The following GRHL1 variants were observed in gnomAD, a reference collection of about 807,000 sequenced individuals.
GRHL1 encodes grainyhead like transcription factor 1, also known as grainyhead-like protein 1 homolog.
A neutral mutation model predicts 75.7 loss-of-function variants in GRHL1; 38 were observed. The observed-to-expected ratio is 0.50, with a 90% CI of 0.39 to 0.66. The LOEUF is 0.66. Ranked by LOEUF, GRHL1 falls within the 30% of genes least tolerant of loss-of-function variation. GRHL1 has a pLI of 0.00. For synonymous variants in GRHL1, 266 were observed against 279.4 expected, an observed-to-expected ratio of 0.95 and a Z score of 0.48; for missense variants, 589 against 767.5, an observed-to-expected ratio of 0.77 and a Z score of 2.75.
chr2:9,978,297 G>A (rs1357116675), intron 8 of GRHL1, among the ~76,000 whole-genome samples: 1 of 152,234 alleles, frequency 6.6e-6, no homozygotes, highest in African/African-American at 2.4e-5. Context: ...AGCTGAGAGT[G>A]TGAGGGATTC....
chr2:9,973,691 G>T (rs1407011241), intron 8 of GRHL1, among the ~76,000 whole-genome samples: 1 of 152,166 alleles, frequency 6.6e-6, no homozygotes, highest in African/African-American at 2.4e-5. Flanking sequence ...CTTTTTGACT[G>T]ATTTAGAGAA....
rs1667576739 is a variant in GRHL1 at position 9,968,411 on chromosome 2, T to C, written c.1110+3030T>C. ...GGATTTGTCTGCTGTGTAGACGTAT[T>C]TCATTCCTTTTATTGTCCTTCCACA... On this transcript the variant is annotated intron_variant, in intron 8 of 15. Transcript: ENST00000324907. The surrounding 1 kb of genome is among the most constrained non-coding windows in gnomAD (Gnocchi z 4.7). Among the ~76,000 whole-genome samples, 1 of 152,242 alleles carries C rather than the reference T, an allele frequency of 6.6e-6. No homozygotes were observed. The highest frequency in any genetic ancestry group is 6.5e-5 in the Admixed American group (1 of 15,290).
intron 8 of GRHL1, among the ~76,000 whole-genome samples, chr2:9,981,550 A>G (rs1424707806): frequency 1.3e-5 from 2 of 152,248 alleles, no homozygotes; most frequent in African/African-American, 4.8e-5. Flanking sequence ...TCGAAACACG[A>G]CCACACTCAT....
At chr2:9,997,036 G>A (rs1385182932) in intron 14 of GRHL1, among the ~76,000 whole-genome samples, 1 of 152,188 alleles carries the variant, frequency 6.6e-6, no homozygotes, top group Non-Finnish European at 1.5e-5. Flanking sequence ...ATATTTACCA[G>A]CCTGTCTCCT....
At chr2:9,999,864 G>A (rs1669195265) in intron 15 of GRHL1, among the ~76,000 whole-genome samples, 2 of 152,092 alleles carry the variant, frequency 1.3e-5, no homozygotes, top group South Asian at 4.1e-4. Flanking sequence ...TCTTGTTTTT[G>A]TATTCTTTAT....
intron 3 of GRHL1, chr2:9,960,174 C>T (rs904222491): frequency 1.3e-5 from 2 of 152,232 alleles, no homozygotes; most frequent in African/African-American, 2.4e-5. Context: ...CACAGTGGCT[C>T]ATGCCTGTAA....
chr2:9,999,888 ATAG>A (rs759506534), intron 15 of GRHL1, among the ~76,000 whole-genome samples: 4 of 152,148 alleles, frequency 2.6e-5, no homozygotes, highest in South Asian at 2.1e-4. Flanking sequence ...TTGTTTGATA[ATAG>A]TAGTTCATTT....
chr2:9,985,527 A>C (rs1452622411), intron 8 of GRHL1, among the ~76,000 whole-genome samples: 1 of 152,262 alleles, frequency 6.6e-6, no homozygotes, highest in Non-Finnish European at 1.5e-5. Context: ...CACTGGGCCC[A>C]ATGTGATTTG....
chr2:9,988,391 TGGGAACA>T (rs1668512259), intron 9 of GRHL1, among the ~76,000 whole-genome samples: 1 of 152,196 alleles, frequency 6.6e-6, no homozygotes, highest in Non-Finnish European at 1.5e-5. Context: ...TCCCATATGG[TGGGAACA>T]GGTACTGTTT....
At chr2:9,999,467 G>T (rs1669175192) in intron 15 of GRHL1, among the ~76,000 whole-genome samples, 1 of 152,200 alleles carries the variant, frequency 6.6e-6, no homozygotes. Context: ...CACTGGGTTG[G>T]GCACGTCCCA....
intron 12 of GRHL1, among the ~76,000 whole-genome samples, chr2:9,993,526 GTTGT>G (rs1286968043): frequency 6.6e-6 from 1 of 152,250 alleles, no homozygotes; most frequent in Non-Finnish European, 1.5e-5. Context: ...ACACATTGTA[GTTGT>G]TTGTCATGTT....
chr2:9,980,489 C>T (rs1668152331), intron 8 of GRHL1, among the ~76,000 whole-genome samples: 2 of 151,388 alleles, frequency 1.3e-5, no homozygotes, highest in African/African-American at 2.4e-5. Context: ...GAATGAGGAA[C>T]TGTCCTTAGA....
Position 9,968,706 on chromosome 2 carries a change from G to C in GRHL1, c.1110+3325G>C, listed in dbSNP as rs1279634210. 6.6e-6 allele frequency among the ~76,000 whole-genome samples: 1 copy of C among 152,136 alleles called. No homozygotes were observed. The highest frequency in any genetic ancestry group is 6.6e-5 in the Admixed American group (1 of 15,262). On this transcript the variant is annotated intron_variant, in intron 8 of 15. Coordinates refer to ENST00000324907, the MANE Select transcript of GRHL1 (RefSeq NM_198182.3). The surrounding 1 kb of genome is among the most constrained non-coding windows in gnomAD (Gnocchi z 4.7). ...AGAGAGGCCTAGGAGCTGAGGGGAG[G>C]GGTGCATACAGCGAGATGGGAGAAA...
At position 9,974,499 on chromosome 2, in the gene GRHL1, C is replaced by T. The variant is rs140959441; in HGVS notation, c.1110+9118C>T. ...ACTCACTTGAAGCTTTTGAGTTGGGCGTGATAATACACACATGACAGCAGG... is the reference window on the plus strand; with the variant it reads ...ACTCACTTGAAGCTTTTGAGTTGGGTGTGATAATACACACATGACAGCAGG... On this transcript the variant is annotated intron_variant, in intron 8 of 15. Transcript: ENST00000324907. Among the ~76,000 whole-genome samples the T allele has an allele frequency of 5.3e-5, 8 of 152,194 alleles. No individual in the cohort carries two copies. In the East Asian group the frequency reaches 1.2e-3, roughly 22 times the overall value.
chr2:9,964,243 C>A lies in GRHL1; in HGVS notation c.912C>A (p.Ile304=). The change falls in exon 7 of 16, where the codon ATC becomes ATA. Residue 304 remains isoleucine, a synonymous_variant. Transcript: ENST00000324907. ...TGCATTCTCTTTCACAGAGTGTGAT[C>A]ATGGTGGTTTTTGCTGAAGACAAAA... The part of the protein sequence containing the change: ...HHPISKVRSV[I]MVVFAEDKSR... 1.3e-6 allele frequency: 2 copies of A among 1,598,006 alleles called. No homozygotes were observed. The highest frequency in any genetic ancestry group is 8.6e-7 in the Non-Finnish European group (1 of 1,166,992).
At position 9,990,978 on chromosome 2, in the gene GRHL1, A is replaced by G. The variant is rs574935979; in HGVS notation, c.1321+231A>G. ...CAGGATAGATCCCTGGGTTTTCCCG[A>G]CCTCAGCGTTTTTGGCTCTCAGTTC... On this transcript the variant is annotated intron_variant, in intron 10 of 15. Transcript: ENST00000324907. This position sits in a 1 kb window ranked among gnomAD's most constrained non-coding sequence, Gnocchi z 4.2. Among the ~76,000 whole-genome samples the G allele has an allele frequency of 1.3e-5, 2 of 152,210 alleles. No individual in the cohort carries two copies. Among genetic ancestry groups the G allele is most frequent in the African/African-American group, 4.8e-5 (2 of 41,524 alleles).
chr2:9,960,963 A>C, intron 3 of GRHL1, 83 bp from the exon 4 acceptor site: 1 of 1,052,346 alleles, frequency 9.5e-7, no homozygotes, highest in Non-Finnish European at 1.4e-6. Flanking sequence ...ACAGGACCCA[A>C]CAGCCCAATG....
chr2:9,958,177 T>TTC (rs200429506), intron 2 of GRHL1, among the ~76,000 whole-genome samples: 2,620 of 148,340 alleles, frequency 0.018, 70 homozygotes, highest in African/African-American at 0.061. Flanking sequence ...TTTTTTTCTT[T>TTC]TTTTTTTTTT....
At position 9,956,858 on chromosome 2, in the gene GRHL1, G is replaced by A. The variant is rs115816539; in HGVS notation, c.207+1757G>A. Among the ~76,000 whole-genome samples, 403 of 152,250 alleles carry A rather than the reference G, an allele frequency of 2.6e-3. 2 individuals carry two copies. Among genetic ancestry groups the A allele is most frequent in the African/African-American group, 9.0e-3 (372 of 41,546 alleles). On this transcript the variant is annotated intron_variant, in intron 2 of 15. Coordinates refer to ENST00000324907, the MANE Select transcript of GRHL1 (RefSeq NM_198182.3). ...TACAAGTTTTGTGCCAGAAAGGCCC[G>A]TGTGATAACACTAGGTGTACTACTC...
Sources: gnomAD v4.1 joint callset for allele counts (sites outside exome capture counted in the v4.1 genomes callset) on GRCh38, gnomAD v4.1.1 for gene constraint, Gnocchi (gnomAD v3.1) non-coding constraint, MANE v1.5 for transcripts, NCBI Gene and HGNC (gene_info 2026-07-23, HGNC 2026-07-21) for gene names.